The following URI1 variants were observed in gnomAD, a reference collection of about 807,000 sequenced individuals.
URI1 encodes URI1 prefoldin like chaperone, also known as unconventional prefoldin RPB5 interactor 1.
In URI1, 39 loss-of-function variants were observed where a neutral mutation model predicts 60.2. The ratio of observed to expected loss-of-function variants is 0.65; its 90% CI spans 0.50 to 0.85. URI1 has a LOEUF of 0.85. Among genes scored for constraint, URI1 ranks in the 40% least tolerant of loss-of-function variants. The pLI, the probability that URI1 is intolerant of heterozygous loss-of-function variation, is 0.00. For synonymous variants in URI1, 251 were observed against 236.8 expected (o/e 1.06, Z -0.55); for missense variants, 691 against 665.9 (o/e 1.04, Z -0.42).
intron 4 of URI1, among the ~76,000 whole-genome samples, chr19:29,995,294 G>T (rs1166626758): frequency 2.3e-4 from 35 of 152,036 alleles, no homozygotes; most frequent in Admixed American, 2.3e-3. Flanking sequence ...TATCAGCAGG[G>T]TTTTGATTTG....
At chr19:29,946,948 A>G (rs2145237190) in intron 1 of URI1, among the ~76,000 whole-genome samples, 1 of 152,298 alleles carries the variant, frequency 6.6e-6, no homozygotes, top group Non-Finnish European at 1.5e-5. Flanking sequence ...TTGGTAGGTA[A>G]GGCTAAGTAG....
rs1189418823 is a variant in URI1 at position 29,944,172 on chromosome 19, TATA to T, written c.117+1509_117+1511del. Among the ~76,000 whole-genome samples the T allele has an allele frequency of 9.0e-5, 7 of 78,070 alleles. 1 individual carries two copies. The highest frequency in any genetic ancestry group is 4.6e-4 in the African/African-American group (7 of 15,194). The allele number at this position is 78,070 out of a possible 152,430, so 51.2% of individuals were successfully genotyped here. ...ATATATATATATATATATATATATA[TATA>T]TATATATATATATATATAAAACTTA... On this transcript the variant is annotated intron_variant, in intron 1 of 10. Transcript: ENST00000392271.
At chr19:29,926,724 T>C (rs926682609) in intron 1 of URI1, among the ~76,000 whole-genome samples, 35 of 152,348 alleles carry the variant, frequency 2.3e-4, no homozygotes, top group African/African-American at 8.4e-4. Flanking sequence ...AAACGACCTA[T>C]ACATTGCAAA....
At chr19:29,993,725 T>C (rs2055774938) in intron 4 of URI1, among the ~76,000 whole-genome samples, 1 of 152,174 alleles carries the variant, frequency 6.6e-6, no homozygotes, top group Admixed American at 6.5e-5. Context: ...AAAGGATATT[T>C]ATTAAAAAAC....
chr19:29,929,920 T>C (rs975642811), intron 1 of URI1, among the ~76,000 whole-genome samples: 1 of 151,810 alleles, frequency 6.6e-6, no homozygotes, highest in African/African-American at 2.4e-5. Context: ...TGTTATCTTT[T>C]CACTCTCTTG....
chr19:29,941,149 A>C (rs955159137), upstream of URI1, among the ~76,000 whole-genome samples: 5 of 152,132 alleles, frequency 3.3e-5, no homozygotes, highest in Non-Finnish European at 5.9e-5. Context: ...CCAGGCTGTG[A>C]CTCTGCAGGC....
chr19:29,951,993 T>G (rs1048717334), intron 1 of URI1, among the ~76,000 whole-genome samples: 22 of 152,226 alleles, frequency 1.4e-4, no homozygotes, highest in African/African-American at 4.1e-4. Flanking sequence ...AACCAAGATA[T>G]GGACACAAGT....
rs936544197 is a variant in URI1, at chr19:30,015,657, T to G, written c.*588T>G. On this transcript the variant is annotated 3_prime_UTR_variant, in exon 11 of 11. Coordinates refer to ENST00000392271, the MANE Select transcript of URI1 (RefSeq NM_003796.3). ...TGGGAAAATTTCTTTGGAAAGATAT[T>G]TTGTAAAACTTTTTTTTCCAAGTAA... 7.2e-7 allele frequency: 1 copy of G among 1,397,870 alleles called. No homozygotes were observed. Among genetic ancestry groups the G allele is most frequent in the African/African-American group, 1.5e-5 (1 of 68,518 alleles). 86.6% of individuals were successfully genotyped at this position (1,397,870 alleles called of 1,614,324 possible).
At chr19:29,961,641 G>C (rs1012204234) in intron 1 of URI1, among the ~76,000 whole-genome samples, 43 of 149,774 alleles carry the variant, frequency 2.9e-4, no homozygotes, top group African/African-American at 9.5e-4. Flanking sequence ...ATGGGTGTTT[G>C]GTTTAAGTAT....
intron 1 of URI1, among the ~76,000 whole-genome samples, chr19:29,924,630 A>G (rs999235848): frequency 6.6e-6 from 1 of 152,150 alleles, no homozygotes; most frequent in African/African-American, 2.4e-5. Flanking sequence ...GAGCTCAGCC[A>G]ATCAGAGGCT....
chr19:29,934,019 TCTGC>T (rs945294714), intron 1 of URI1, among the ~76,000 whole-genome samples: 17 of 143,370 alleles, frequency 1.2e-4, no homozygotes, highest in Admixed American at 2.9e-4. Flanking sequence ...CAGTGCAACC[TCTGC>T]CTCCCAGGTT....
chr19:29,925,852 G>C (rs2145186125), intron 1 of URI1: 1 of 152,346 alleles, frequency 6.6e-6, no homozygotes, highest in East Asian at 1.9e-4. Context: ...TGATTAAAAT[G>C]CTACAAGAAC....
At chr19:29,949,637 C>A (rs974371516) in intron 1 of URI1, among the ~76,000 whole-genome samples, 1 of 152,218 alleles carries the variant, frequency 6.6e-6, no homozygotes, top group African/African-American at 2.4e-5. Context: ...ACTGAGTGAA[C>A]GAGACTCCGT....
intron 1 of URI1, among the ~76,000 whole-genome samples, chr19:29,950,830 T>A (rs1568412231): frequency 6.6e-6 from 1 of 152,262 alleles, no homozygotes; most frequent in Non-Finnish European, 1.5e-5. Context: ...TAATCTTCTT[T>A]CATCTAAAAT....
chr19:30,010,594 C>A (rs966815197), intron 8 of URI1, among the ~76,000 whole-genome samples: 1 of 151,982 alleles, frequency 6.6e-6, no homozygotes. Context: ...ACATGTTAAC[C>A]CCATGTGAAC....
At chr19:30,009,451 TG>T (rs1294543684) in intron 8 of URI1, 98 bp downstream of exon 8, 20 of 1,157,890 alleles carry the variant, frequency 1.7e-5, no homozygotes, top group Non-Finnish European at 2.2e-5. Context: ...ATTATCATTG[TG>T]GATAGTGCCA....
intron 1 of URI1, among the ~76,000 whole-genome samples, chr19:29,935,581 C>G (rs2054961899): frequency 6.6e-6 from 1 of 151,842 alleles, no homozygotes; most frequent in Admixed American, 6.6e-5. Flanking sequence ...TTTAGCAGCT[C>G]TTGTAGAGCA....
Position 30,015,446 on chromosome 19 carries a change from G to GA in URI1, c.*381dup. The GA allele has an allele frequency of 1.3e-6, 2 of 1,509,254 alleles. No individual in the cohort carries two copies. The highest frequency in any genetic ancestry group is 1.8e-6 in the Non-Finnish European group (2 of 1,137,688). 93.5% of individuals were successfully genotyped at this position (1,509,254 alleles called of 1,614,324 possible). ...TGCATACCATATGGACCATTTTAAAGAAAATTTTAAAATTTCAAATAGATT... is the reference window on the plus strand; with the variant it reads ...TGCATACCATATGGACCATTTTAAAGAAAAATTTTAAAATTTCAAATAGATT... On this transcript the variant is annotated 3_prime_UTR_variant, in exon 11 of 11. Transcript: ENST00000392271.
chr19:29,935,768 CTT>C (rs2054965651), intron 1 of URI1, among the ~76,000 whole-genome samples: 1 of 3,164 alleles, frequency 3.2e-4, no homozygotes, highest in Admixed American at 2.5e-3. Flanking sequence ...GGTTCCTTTT[CTT>C]TTCTTTTCTT....
Sources: gnomAD v4.1 joint callset for allele counts (sites outside exome capture counted in the v4.1 genomes callset) on GRCh38, gnomAD v4.1.1 for gene constraint, MANE v1.5 for transcripts, NCBI Gene and HGNC (gene_info 2026-07-23, HGNC 2026-07-21) for gene names.